Variants in BBS7 observed in about 807,000 individuals in gnomAD.
The protein encoded by BBS7 is BBSome complex member BBS7.
BBS7 carries 50 observed loss-of-function variants against 90.3 expected under a neutral mutation model. That is an observed-to-expected ratio of 0.55 (90% CI 0.44 to 0.70). The LOEUF is 0.70. Among genes scored for constraint, BBS7 ranks in the 30% least tolerant of loss-of-function variants. The pLI is 0.00. For synonymous variants in BBS7, 235 were observed against 287.4 expected (o/e 0.82, Z 1.85); for missense variants, 729 against 838.9 (o/e 0.87, Z 1.62).
intron 12 of BBS7, among the ~76,000 whole-genome samples, chr4:121,841,054 G>A (rs1725713812): frequency 6.6e-6 from 1 of 152,000 alleles, no homozygotes; most frequent in Non-Finnish European, 1.5e-5. Context: ...TGGCCAGGCT[G>A]GTCTTGAATT....
At chr4:121,827,504 G>A (rs989959042) in intron 18 of BBS7, among the ~76,000 whole-genome samples, 1 of 152,154 alleles carries the variant, frequency 6.6e-6, no homozygotes, top group South Asian at 2.1e-4. Context: ...GCTATTGTAA[G>A]GATTAAATAT....
chr4:121,844,028 G>T, intron 11 of BBS7, 27 bp from the exon 12 acceptor site: 1 of 1,446,894 alleles, frequency 6.9e-7, no homozygotes, highest in Non-Finnish European at 9.6e-7. Flanking sequence ...AAAAAAAGAA[G>T]GTTGAGATGG....
In BBS7 at chr4:121,828,750, T is replaced by A. The variant is rs1171260379; in HGVS notation, c.1677-22A>T. On this transcript the variant is annotated intron_variant, in intron 15 of 18. Coordinates refer to ENST00000264499, the MANE Select transcript of BBS7 (RefSeq NM_176824.3). ...TTTTCTATAAAATTAATATATTTTT[T>A]AAAAGAATAGCTGTAGAAGGAAATT... is the stretch of plus-strand genomic sequence containing the variant. 2.2e-6 allele frequency: 3 copies of A among 1,351,604 alleles called. No individual in the cohort carries two copies. In the South Asian group the frequency reaches 3.9e-5, roughly 18 times the overall value. The allele number at this position is 1,351,604 out of a possible 1,614,324, so 83.7% of individuals were successfully genotyped here.
At chr4:121,856,705 A>G (rs531908012) in intron 5 of BBS7, among the ~76,000 whole-genome samples, 5 of 152,128 alleles carry the variant, frequency 3.3e-5, no homozygotes, top group Non-Finnish European at 5.9e-5. Context: ...GCAAGACTCC[A>G]TCTCAAAAAA....
At chr4:121,836,585 A>C (rs942153336) in intron 13 of BBS7, among the ~76,000 whole-genome samples, 3 of 152,198 alleles carry the variant, frequency 2.0e-5, no homozygotes, top group South Asian at 2.1e-4. Flanking sequence ...ATAGCTATTT[A>C]TTCAACCCTT....
intron 6 of BBS7, 182 bp downstream of exon 6, chr4:121,855,307 C>G (rs1474842180): frequency 1.7e-6 from 1 of 582,896 alleles, no homozygotes; most frequent in Non-Finnish European, 3.1e-6. Flanking sequence ...GACCCTGCCC[C>G]CCAGCCCCCC....
At chr4:121,828,815 T>C (rs895529538) in intron 15 of BBS7, 87 bp from the exon 16 acceptor site, 3 of 808,436 alleles carry the variant, frequency 3.7e-6, no homozygotes, top group East Asian at 2.8e-5. Flanking sequence ...ACTTAGAGTA[T>C]AGATTTCATT....
chr4:121,862,730 A>T (rs557639158), intron 3 of BBS7, among the ~76,000 whole-genome samples: 1 of 152,330 alleles, frequency 6.6e-6, no homozygotes, highest in South Asian at 2.1e-4. Flanking sequence ...GAAATTGCAG[A>T]GACCTCAAGG....
At chr4:121,855,128 C>A (rs1326819194) in intron 6 of BBS7, among the ~76,000 whole-genome samples, 4 of 151,896 alleles carry the variant, frequency 2.6e-5, no homozygotes, top group African/African-American at 4.8e-5. Flanking sequence ...ACCTGGGCAA[C>A]ATGGCGAAAC....
At chr4:121,826,915 C>A (rs1352117271) in intron 18 of BBS7, among the ~76,000 whole-genome samples, 1 of 152,160 alleles carries the variant, frequency 6.6e-6, no homozygotes, top group African/African-American at 2.4e-5. Flanking sequence ...ACCCAGGGGG[C>A]AGAGGCTGCA....
Position 121,848,895 on chromosome 4 carries a change from C to A in BBS7, c.883G>T (p.Gly295Cys). 6.2e-7 allele frequency: 1 copy of A among 1,613,938 alleles called. No homozygotes were observed. Among genetic ancestry groups the A allele is most frequent in the Non-Finnish European group, 8.5e-7 (1 of 1,180,000 alleles). ...LSESVTSIQG[G>C]CVGKDSYDEI... ...TCATAGCTGTCTTTTCCTACACAAC[C>A]ACCCTGGATAGATGTGACGCTTTCA... is the stretch of plus-strand genomic sequence containing the variant. The change falls in exon 9 of 19, where the codon GGT becomes TGT. Residue 295 changes from glycine to cysteine, a missense_variant. Gly to Cys is a radical substitution (Grantham distance 159). Coordinates refer to ENST00000264499, the MANE Select transcript of BBS7 (RefSeq NM_176824.3).
chr4:121,832,480 C>T (rs1284950111), intron 15 of BBS7, among the ~76,000 whole-genome samples: 2 of 152,086 alleles, frequency 1.3e-5, no homozygotes. Flanking sequence ...AGAAGTAGGC[C>T]ATTTCACATT....
chr4:121,860,448 T>C (rs1726915274), intron 4 of BBS7, among the ~76,000 whole-genome samples: 2 of 152,088 alleles, frequency 1.3e-5, no homozygotes, highest in Admixed American at 6.5e-5. Flanking sequence ...TTTTCAAAAA[T>C]TGAGTAAAGA....
intron 13 of BBS7, among the ~76,000 whole-genome samples, chr4:121,837,916 C>A (rs1373473106): frequency 6.6e-6 from 1 of 152,016 alleles, no homozygotes; most frequent in African/African-American, 2.4e-5. Flanking sequence ...ACCAACCTGT[C>A]CAACATGGTG....
At chr4:121,832,009 A>ACACACACAC (rs1725207388) in intron 15 of BBS7, among the ~76,000 whole-genome samples, 9 of 142,768 alleles carry the variant, frequency 6.3e-5, no homozygotes, top group East Asian at 2.1e-4. Flanking sequence ...AAAAAACAAA[A>ACACACACAC]ACACACACAC....
intron 1 of BBS7, 74 bp from the exon 2 acceptor site, chr4:121,868,120 C>A (rs1157677241): frequency 8.9e-6 from 11 of 1,231,102 alleles, no homozygotes; most frequent in South Asian, 1.2e-5. Context: ...TTATAGTGAA[C>A]CTTTTTGTTA....
At chr4:121,866,531 C>T (rs1727284052) in intron 2 of BBS7, among the ~76,000 whole-genome samples, 1 of 152,098 alleles carries the variant, frequency 6.6e-6, no homozygotes. Context: ...TCCCAAACTG[C>T]AGGGATTACA....
chr4:121,839,724 G>T, intron 12 of BBS7, 28 bp from the exon 13 acceptor site: 1 of 1,584,934 alleles, frequency 6.3e-7, no homozygotes, highest in Non-Finnish European at 8.7e-7. Flanking sequence ...TGGAGGAAAA[G>T]AATGAATCCA....
chr4:121,834,524 C>T (rs1333656031), intron 14 of BBS7, among the ~76,000 whole-genome samples: 1 of 152,132 alleles, frequency 6.6e-6, no homozygotes, highest in Non-Finnish European at 1.5e-5. Context: ...AGTTACTTAA[C>T]TTTTCTAAGC....
Sources: allele counts gnomAD v4.1 joint callset (sites outside exome capture counted in the v4.1 genomes callset), GRCh38; gene constraint gnomAD v4.1.1; transcripts MANE v1.5; gene names NCBI Gene and HGNC (gene_info 2026-07-23, HGNC 2026-07-21).